NT5M: variants seen among roughly 807,000 people sequenced by gnomAD.
NT5M encodes 5',3'-nucleotidase, mitochondrial.
A neutral mutation model predicts 22.2 loss-of-function variants in NT5M; 22 were observed. The ratio of observed to expected loss-of-function variants is 0.99; its 90% CI spans 0.71 to 1.41. The LOEUF (loss-of-function observed/expected upper bound fraction) is 1.41. NT5M is among the 40% of genes most tolerant of loss of function. NT5M has a pLI of 0.00. For missense variants in NT5M, 322 were observed against 314.8 expected (o/e 1.02, Z -0.17); for synonymous variants, 167 against 133.0 (o/e 1.26, Z -1.76).
At chr17:17,309,897 T>C (rs1035477885) in intron 2 of NT5M, among the ~76,000 whole-genome samples, 3 of 151,328 alleles carry the variant, frequency 2.0e-5, no homozygotes, top group African/African-American at 7.3e-5. Flanking sequence ...CAATCTTGGC[T>C]CACTGCAACC....
At chr17:17,315,892 C>A (rs1440711134) in intron 2 of NT5M, among the ~76,000 whole-genome samples, 2 of 151,584 alleles carry the variant, frequency 1.3e-5, no homozygotes, top group African/African-American at 4.8e-5. Context: ...GCTGGGACTA[C>A]AGGCATCTGC....
chr17:17,322,148 C>G (rs1162449938), intron 2 of NT5M, among the ~76,000 whole-genome samples: 1 of 151,962 alleles, frequency 6.6e-6, no homozygotes, highest in African/African-American at 2.4e-5. Context: ...GGATGGCGAG[C>G]CAGCGAGTGA....
intron 4 of NT5M, chr17:17,345,310 A>T: frequency 9.9e-7 from 1 of 1,005,786 alleles, no homozygotes; most frequent in Non-Finnish European, 1.2e-6. Flanking sequence ...TCCTGCAGGG[A>T]AGGTGGGTTG....
chr17:17,316,966 G>A (rs1278735621), intron 2 of NT5M, among the ~76,000 whole-genome samples: 2 of 150,794 alleles, frequency 1.3e-5, no homozygotes, highest in Non-Finnish European at 3.0e-5. Flanking sequence ...CACCCGCCTC[G>A]GCCTCCCAAA....
At chr17:17,337,836 T>G (rs1235776548) in intron 3 of NT5M, among the ~76,000 whole-genome samples, 1 of 152,248 alleles carries the variant, frequency 6.6e-6, no homozygotes, top group Non-Finnish European at 1.5e-5. Flanking sequence ...GCAAATACTT[T>G]CTTCCATTCT....
chr17:17,321,034 G>A (rs539514864), intron 2 of NT5M, among the ~76,000 whole-genome samples: 2 of 152,252 alleles, frequency 1.3e-5, no homozygotes, highest in African/African-American at 2.4e-5. Context: ...GCAGCTTGTC[G>A]GGGACATTCT....
Position 17,341,552 on chromosome 17 carries a change from G to A in NT5M, c.430-3242G>A, listed in dbSNP as rs2049641393. ...CTAAATCCCCGAAGGCACTCACGAGGTAGATGCTGTCCTTATCCCTGTGTC... is the reference window on the plus strand; with the variant it reads ...CTAAATCCCCGAAGGCACTCACGAGATAGATGCTGTCCTTATCCCTGTGTC... On this transcript the variant is annotated intron_variant, in intron 3 of 4. Transcript: ENST00000389022. 2.6e-5 allele frequency among the ~76,000 whole-genome samples: 4 copies of A among 152,194 alleles called. No individual in the cohort carries two copies. The South Asian group carries it at 8.3e-4, about 31-fold the overall frequency.
intron 3 of NT5M, among the ~76,000 whole-genome samples, chr17:17,330,765 C>T (rs1354605475): frequency 3.5e-5 from 4 of 114,200 alleles, no homozygotes; most frequent in Non-Finnish European, 6.9e-5. Flanking sequence ...TTTTTTGAGA[C>T]GGAGTCTCAC....
intron 2 of NT5M, among the ~76,000 whole-genome samples, 180 bp downstream of exon 2, chr17:17,306,823 T>A (rs1176597469): frequency 1.3e-5 from 2 of 152,232 alleles, no homozygotes; most frequent in Non-Finnish European, 1.5e-5. Flanking sequence ...TGATCTCGGT[T>A]TGTAGGCTGT....
intron 3 of NT5M, among the ~76,000 whole-genome samples, chr17:17,341,647 G>T (rs1030001699): frequency 6.6e-6 from 1 of 152,218 alleles, no homozygotes; most frequent in Admixed American, 6.5e-5. Context: ...GTATCTATGC[G>T]CAGTGGCCAC....
chr17:17,335,103 T>G (rs2049478525), intron 3 of NT5M, among the ~76,000 whole-genome samples: 1 of 151,964 alleles, frequency 6.6e-6, no homozygotes, highest in African/African-American at 2.4e-5. Flanking sequence ...CATGTTTTTT[T>G]TTTTGGCATA....
chr17:17,318,713 G>A (rs1476503956), intron 2 of NT5M, among the ~76,000 whole-genome samples: 1 of 144,424 alleles, frequency 6.9e-6, no homozygotes, highest in Non-Finnish European at 1.5e-5. Context: ...TGAACCTGGG[G>A]AGCGGAGGTT....
intron 3 of NT5M, among the ~76,000 whole-genome samples, chr17:17,342,591 T>C (rs2049667730): frequency 6.6e-6 from 1 of 152,218 alleles, no homozygotes. Flanking sequence ...CACTCCCAGA[T>C]GTTCCATGTT....
At chr17:17,304,161 A>G (rs1262950552) in intron 1 of NT5M, among the ~76,000 whole-genome samples, 2 of 152,094 alleles carry the variant, frequency 1.3e-5, no homozygotes, top group African/African-American at 4.8e-5. Flanking sequence ...GTCCTCTTTC[A>G]CCCCGACCGC....
At chr17:17,329,000 C>CG (rs1403027364) in intron 3 of NT5M, among the ~76,000 whole-genome samples, 1 of 152,126 alleles carries the variant, frequency 6.6e-6, no homozygotes, top group Non-Finnish European at 1.5e-5. Flanking sequence ...ATTTTTTAGA[C>CG]GGAGTCTCGC....
intron 1 of NT5M, chr17:17,304,477 G>T: frequency 4.1e-6 from 4 of 977,096 alleles, no homozygotes; most frequent in Non-Finnish European, 4.9e-6. Context: ...CACAGATCTT[G>T]GTTGGTAAAT....
chr17:17,305,394 G>GCCCCCCC (rs34579357), intron 1 of NT5M, among the ~76,000 whole-genome samples: 4 of 74,094 alleles, frequency 5.4e-5, no homozygotes, highest in Admixed American at 1.5e-4. Context: ...TAAAACAACC[G>GCCCCCCC]CCCCCCCCCC....
chr17:17,308,608 A>G (rs890232441), intron 2 of NT5M, among the ~76,000 whole-genome samples: 25 of 152,186 alleles, frequency 1.6e-4, no homozygotes, highest in African/African-American at 6.0e-4. Flanking sequence ...AAAAAGAGAC[A>G]TACCGTGCAG....
chr17:17,323,726 T>C lies in NT5M; in HGVS notation c.429+481T>C, dbSNP rs191961424. 1.2e-3 allele frequency among the ~76,000 whole-genome samples: 182 copies of C among 152,038 alleles called. 1 individual carries two copies. The highest frequency in any genetic ancestry group is 4.3e-3 in the African/African-American group (177 of 41,458). On this transcript the variant is annotated intron_variant, in intron 3 of 4. Transcript: ENST00000389022. ...GAGGAGAGCACTCATGCCGGAGGGG[T>C]CAGGGCCGGCCCTCCCTGGGGACGT... is the stretch of plus-strand genomic sequence containing the variant.
Sources: allele counts gnomAD v4.1 joint callset (sites outside exome capture counted in the v4.1 genomes callset), GRCh38; gene constraint gnomAD v4.1.1; transcripts MANE v1.5; gene names NCBI Gene and HGNC (gene_info 2026-07-23, HGNC 2026-07-21).